The following MAP3K5 variants were observed in gnomAD, a reference collection of about 807,000 sequenced individuals.
MAP3K5 encodes the protein mitogen-activated protein kinase kinase kinase 5.
In MAP3K5, 56 loss-of-function variants were observed where a neutral mutation model predicts 158.7. The ratio of observed to expected loss-of-function variants is 0.35; its 90% confidence interval spans 0.28 to 0.44. The LOEUF (loss-of-function observed/expected upper bound fraction) is 0.44. MAP3K5 is among the 20% of genes least tolerant of loss of function. MAP3K5 has a pLI of 1.00. For synonymous variants in MAP3K5, 579 were observed against 601.7 expected (o/e 0.96, Z 0.55); for missense variants, 1,294 against 1,674.8 (o/e 0.77, Z 3.97).
At chr6:136,624,170 G>A (rs755329153) in intron 14 of MAP3K5, among the ~76,000 whole-genome samples, 4 of 152,010 alleles carry the variant, frequency 2.6e-5, no homozygotes, top group Non-Finnish European at 5.9e-5. Context: ...CTCCAGCCTG[G>A]GCAACAGAGC....
chr6:136,730,904 A>C (rs1247713613), intron 1 of MAP3K5, among the ~76,000 whole-genome samples: 1 of 152,206 alleles, frequency 6.6e-6, no homozygotes, highest in Non-Finnish European at 1.5e-5. Flanking sequence ...GTTCATAGCC[A>C]TACTATTTGT....
chr6:136,669,562 T>TA (rs1464338508), intron 7 of MAP3K5, among the ~76,000 whole-genome samples, 167 bp from the exon 8 acceptor site: 1 of 152,164 alleles, frequency 6.6e-6, no homozygotes, highest in African/African-American at 2.4e-5. Context: ...AGAAACTGCT[T>TA]ATCTTTGTCC....
chr6:136,565,324 G>A (rs935453613), intron 26 of MAP3K5, among the ~76,000 whole-genome samples: 2 of 152,248 alleles, frequency 1.3e-5, no homozygotes, highest in African/African-American at 4.8e-5. Context: ...TCTGCCATGA[G>A]GTCAATTTTT....
At chr6:136,705,273 T>A (rs1207133144) in intron 2 of MAP3K5, 140 bp from the exon 3 acceptor site, 1 of 450,792 alleles carries the variant, frequency 2.2e-6, no homozygotes, top group Non-Finnish European at 4.0e-6. Context: ...ATTCAGTTCC[T>A]GCATCTGAAA....
In MAP3K5 at chr6:136,593,942, G is replaced by A. The variant is rs150499318; in HGVS notation, c.2879-1328C>T. Among the ~76,000 whole-genome samples, 7 of 152,250 alleles carry A rather than the reference G, an allele frequency of 4.6e-5. No individual in the cohort carries two copies. In the East Asian group the frequency reaches 1.2e-3, roughly 25 times the overall value. ...TCATGACATTGGTTTCAGCTGTAGC[G>A]AGAAAGACGGAAGTACATACAGCTT... On this transcript the variant is annotated intron_variant, in intron 21 of 29. Coordinates refer to ENST00000359015, the MANE Select transcript of MAP3K5 (RefSeq NM_005923.4).
At chr6:136,674,894 C>T (rs552549920) in intron 7 of MAP3K5, among the ~76,000 whole-genome samples, 21 of 150,352 alleles carry the variant, frequency 1.4e-4, no homozygotes, top group African/African-American at 5.1e-4. Flanking sequence ...GCAAATATTC[C>T]CAAATTCAAA....
intron 2 of MAP3K5, among the ~76,000 whole-genome samples, chr6:136,707,968 T>C (rs1174664312): frequency 2.0e-5 from 3 of 152,262 alleles, no homozygotes; most frequent in Non-Finnish European, 2.9e-5. Flanking sequence ...AACAGTTTTT[T>C]ATCCTATGCT....
chr6:136,602,503 C>T (rs954252423), intron 19 of MAP3K5, among the ~76,000 whole-genome samples: 3 of 152,000 alleles, frequency 2.0e-5, no homozygotes, highest in Non-Finnish European at 2.9e-5. Flanking sequence ...TGGGGTTTTG[C>T]CATGTCGCAC....
intron 21 of MAP3K5, among the ~76,000 whole-genome samples, chr6:136,599,184 G>T (rs1283358849): frequency 6.7e-6 from 1 of 150,036 alleles, no homozygotes; most frequent in Non-Finnish European, 1.5e-5. Flanking sequence ...GGGGGGCGTG[G>T]ATTTTAGCTC....
At chr6:136,598,094 A>T (rs1458717847) in intron 21 of MAP3K5, among the ~76,000 whole-genome samples, 1 of 152,222 alleles carries the variant, frequency 6.6e-6, no homozygotes, top group Admixed American at 6.5e-5. Flanking sequence ...TTTCATAAGG[A>T]GCCCTTTGGG....
Position 136,611,403 on chromosome 6 carries a change from C to T in MAP3K5, c.2416-16G>A. The T allele has an allele frequency of 7.2e-7, 1 of 1,391,398 alleles. No homozygotes were observed. The highest frequency in any genetic ancestry group is 1.0e-6 in the Non-Finnish European group (1 of 980,994). 86.2% of individuals were successfully genotyped at this position (1,391,398 alleles called of 1,614,324 possible). On this transcript the variant is annotated splice_polypyrimidine_tract_variant and intron_variant, in intron 17 of 29. Coordinates refer to ENST00000359015, the MANE Select transcript of MAP3K5 (RefSeq NM_005923.4). ...CATTGTCACCCTAGAGAACAGAGGA[C>T]TTTAATCACAATTGTTATCTTTCTT... is the stretch of plus-strand genomic sequence containing the variant.
At chr6:136,738,223 ACCATGC>A (rs1283216826) in intron 1 of MAP3K5, among the ~76,000 whole-genome samples, 1 of 152,132 alleles carries the variant, frequency 6.6e-6, no homozygotes, top group Non-Finnish European at 1.5e-5. Flanking sequence ...TATGCATTCT[ACCATGC>A]CCGACTAAAT....
chr6:136,705,887 C>G (rs941472660), intron 2 of MAP3K5, among the ~76,000 whole-genome samples: 1 of 151,944 alleles, frequency 6.6e-6, no homozygotes, highest in Admixed American at 6.6e-5. Flanking sequence ...TATTGGCCAC[C>G]GGCAAATCCA....
chr6:136,792,546 G>GCCACC (rs1785133151), upstream of MAP3K5: 1 of 24,420 alleles, frequency 4.1e-5, no homozygotes, highest in African/African-American at 1.9e-4. This position sits in a 1 kb window ranked among gnomAD's most constrained non-coding sequence, Gnocchi z 5.7. Flanking sequence ...GCCACCCGCC[G>GCCACC]CGCCGCGCCG....
chr6:136,692,762 C>T (rs1259661879), intron 7 of MAP3K5, among the ~76,000 whole-genome samples: 1 of 152,120 alleles, frequency 6.6e-6, no homozygotes, highest in Admixed American at 6.5e-5. Flanking sequence ...TTGCCCCAGT[C>T]AGGGCAACAT....
intron 7 of MAP3K5, among the ~76,000 whole-genome samples, chr6:136,670,812 G>T (rs1583388815): frequency 6.6e-6 from 1 of 152,168 alleles, no homozygotes; most frequent in East Asian, 1.9e-4. Flanking sequence ...TAACTAGTTG[G>T]CTCTGATAGT....
chr6:136,730,168 T>G (rs6570093), intron 1 of MAP3K5, among the ~76,000 whole-genome samples: 902 of 57,314 alleles, frequency 0.016, 3 homozygotes, highest in South Asian at 0.047. Flanking sequence ...TTTTTTTTTG[T>G]TTTTTGTTTT....
At chr6:136,582,537 T>C (rs1003256369) in intron 24 of MAP3K5, among the ~76,000 whole-genome samples, 3 of 152,236 alleles carry the variant, frequency 2.0e-5, no homozygotes, top group African/African-American at 4.8e-5. Flanking sequence ...TAATTTCTTA[T>C]GCCCTCAATC....
intron 12 of MAP3K5, 86 bp from the exon 13 acceptor site, chr6:136,639,724 A>T: frequency 1.5e-6 from 1 of 654,902 alleles, no homozygotes; most frequent in South Asian, 2.0e-5. Context: ...TTTTAAATTC[A>T]ATCCCATTTA....
Sources: allele counts gnomAD v4.1 joint callset (sites outside exome capture counted in the v4.1 genomes callset), GRCh38; gene constraint gnomAD v4.1.1; non-coding constraint Gnocchi (gnomAD v3.1); transcripts MANE v1.5; gene names NCBI Gene and HGNC (gene_info 2026-07-23, HGNC 2026-07-21).